Variants in SOX6 observed in about 807,000 individuals in gnomAD.
SOX6 encodes the protein transcription factor SOX-6.
In SOX6, 11 loss-of-function variants were observed where a neutral mutation model predicts 97.8. The observed-to-expected ratio is 0.11, with a 90% confidence interval of 0.07 to 0.19. SOX6 has a LOEUF of 0.19. SOX6 is among the 10% of genes least tolerant of loss of function. The pLI, the probability that SOX6 is intolerant of heterozygous loss-of-function variation, is 1.00. For synonymous variants in SOX6, 360 were observed against 371.4 expected, an observed-to-expected ratio of 0.97 and a Z score of 0.35; for missense variants, 810 against 1,039.5, an observed-to-expected ratio of 0.78 and a Z score of 3.04.
chr11:16,470,077 A>T (rs1430539354), intron 1 of SOX6, among the ~76,000 whole-genome samples: 1 of 152,168 alleles, frequency 6.6e-6, no homozygotes, highest in East Asian at 1.9e-4. Context: ...GTATTAATGT[A>T]GATACTTCAA....
intron 4 of SOX6, among the ~76,000 whole-genome samples, chr11:16,223,492 C>T (rs1014652735): frequency 6.6e-6 from 1 of 152,060 alleles, no homozygotes; most frequent in African/African-American, 2.4e-5. Flanking sequence ...TCTCATTCCA[C>T]TATGAGTCAT....
At chr11:16,289,093 A>T (rs564578846) in intron 3 of SOX6, among the ~76,000 whole-genome samples, 1 of 152,098 alleles carries the variant, frequency 6.6e-6, no homozygotes, top group African/African-American at 2.4e-5. Flanking sequence ...AAATGGCAAG[A>T]ATTAAAACAA....
At chr11:16,541,632 C>T (rs1861410502) in intron 4 of SOX6, among the ~76,000 whole-genome samples, 1 of 152,036 alleles carries the variant, frequency 6.6e-6, no homozygotes, top group Non-Finnish European at 1.5e-5. Flanking sequence ...AAAAAAACAA[C>T]CCTATCAAAA....
chr11:16,503,784 C>G (rs1860743556), intron 4 of SOX6, among the ~76,000 whole-genome samples: 1 of 152,084 alleles, frequency 6.6e-6, no homozygotes. Context: ...GTGGCTCACC[C>G]CTGTAATCCC....
intron 6 of SOX6, among the ~76,000 whole-genome samples, chr11:16,182,491 A>T (rs1176128983): frequency 6.6e-6 from 1 of 151,858 alleles, no homozygotes; most frequent in Non-Finnish European, 1.5e-5. Context: ...GGGCAGAACA[A>T]GGGAACACCT....
chr11:16,127,676 G>A (rs1849640906), intron 6 of SOX6, among the ~76,000 whole-genome samples: 1 of 152,104 alleles, frequency 6.6e-6, no homozygotes, highest in Non-Finnish European at 1.5e-5. Flanking sequence ...AAACTGGAAA[G>A]TGAGAAAATA....
At chr11:16,050,495 A>C (rs1230961062) in intron 10 of SOX6, among the ~76,000 whole-genome samples, 1 of 152,138 alleles carries the variant, frequency 6.6e-6, no homozygotes, top group African/African-American at 2.4e-5. Context: ...GGCACTCTTC[A>C]TGGTCTATAT....
At chr11:16,130,146 T>C (rs1010667351) in intron 6 of SOX6, among the ~76,000 whole-genome samples, 3 of 152,026 alleles carry the variant, frequency 2.0e-5, no homozygotes, top group South Asian at 2.1e-4. Flanking sequence ...GCTTTCTATA[T>C]ACTAGTAATA....
intron 6 of SOX6, among the ~76,000 whole-genome samples, chr11:16,112,548 C>T (rs1849256331): frequency 6.6e-6 from 1 of 152,120 alleles, no homozygotes; most frequent in African/African-American, 2.4e-5. Context: ...AGTTTTACAG[C>T]TTTATGCACT....
At chr11:16,638,013 T>G (rs899980646) in intron 3 of SOX6, among the ~76,000 whole-genome samples, 1 of 151,626 alleles carries the variant, frequency 6.6e-6, no homozygotes, top group Non-Finnish European at 1.5e-5. Flanking sequence ...GCTGCACCCA[T>G]TAAATCGTCA....
chr11:16,066,791 AG>A (rs1848104381), intron 9 of SOX6, among the ~76,000 whole-genome samples: 1 of 152,212 alleles, frequency 6.6e-6, no homozygotes, highest in Non-Finnish European at 1.5e-5. Context: ...GATGGTTCAT[AG>A]GTACAGATAA....
chr11:16,620,528 T>C (rs1302074122), intron 3 of SOX6, among the ~76,000 whole-genome samples: 1 of 152,180 alleles, frequency 6.6e-6, no homozygotes, highest in Non-Finnish European at 1.5e-5. Context: ...TCAAGCTTCC[T>C]GAGTAGCTGG....
chr11:16,572,247 A>C (rs1847946837), intron 4 of SOX6, among the ~76,000 whole-genome samples: 1 of 152,172 alleles, frequency 6.6e-6, no homozygotes, highest in Admixed American at 6.5e-5. Flanking sequence ...CTTAATCTCA[A>C]ACAAAACTAT....
At chr11:16,602,323 G>A (rs1024861152) in intron 4 of SOX6, among the ~76,000 whole-genome samples, 1 of 152,132 alleles carries the variant, frequency 6.6e-6, no homozygotes. Context: ...CTATGCCTAT[G>A]GAATTAATGC....
chr11:16,611,150 G>A (rs1466163262), intron 4 of SOX6, among the ~76,000 whole-genome samples: 2 of 152,222 alleles, frequency 1.3e-5, no homozygotes, highest in African/African-American at 4.8e-5. Flanking sequence ...GAGAAGAGGC[G>A]CGAACTCGCA....
chr11:16,474,350 T>C (rs1860196503), intron 1 of SOX6, among the ~76,000 whole-genome samples: 1 of 152,206 alleles, frequency 6.6e-6, no homozygotes. Flanking sequence ...AAGTTTTCAA[T>C]TTACGTTGCC....
chr11:16,583,234 T>A (rs1848047308), intron 4 of SOX6, among the ~76,000 whole-genome samples: 1 of 152,042 alleles, frequency 6.6e-6, no homozygotes, highest in African/African-American at 2.4e-5. Context: ...CAATGTGTAA[T>A]GATCAAAAGC....
In SOX6 at chr11:16,319,552, T is replaced by C. The variant is rs570317883; in HGVS notation, c.238-899A>G. On this transcript the variant is annotated intron_variant, in intron 2 of 15. Coordinates refer to ENST00000683767, the MANE Select transcript of SOX6 (RefSeq NM_001367873.1). The stretch of plus-strand genomic sequence containing the variant: ...CCCTGGTGTGTGATGTTCCCCTTCT[T>C]GTGTCCAAGTGTTCCCACCTACGAG... Among the ~76,000 whole-genome samples, 12 of 140,830 alleles carry C rather than the reference T, an allele frequency of 8.5e-5. No individual in the cohort carries two copies. The South Asian group carries it at 1.6e-3, about 18-fold the overall frequency. 92.4% of individuals were successfully genotyped at this position (140,830 alleles called of 152,430 possible).
intron 3 of SOX6, among the ~76,000 whole-genome samples, chr11:16,656,789 T>C (rs1363496372): frequency 6.6e-6 from 1 of 152,190 alleles, no homozygotes; most frequent in Non-Finnish European, 1.5e-5. Flanking sequence ...ATCTATTACA[T>C]TGTTTTTAAA....
Sources: gnomAD v4.1 joint callset for allele counts (sites outside exome capture counted in the v4.1 genomes callset) on GRCh38, gnomAD v4.1.1 for gene constraint, MANE v1.5 for transcripts, NCBI Gene and HGNC (gene_info 2026-07-23, HGNC 2026-07-21) for gene names.